The following TRERF1 variants were observed in gnomAD, a reference collection of about 807,000 sequenced individuals.
TRERF1 encodes the protein transcriptional regulating factor 1.
In TRERF1, 27 loss-of-function variants were observed where a neutral mutation model predicts 122.9. The ratio of observed to expected loss-of-function variants is 0.22; its 90% CI spans 0.16 to 0.30. TRERF1 has a LOEUF of 0.30. Ranked by LOEUF, TRERF1 falls within the 10% of genes least tolerant of loss-of-function variation. The probability of loss-of-function intolerance (pLI) is 1.00; values close to 1 mark genes in which losing one functional copy is unlikely to be tolerated. For synonymous variants in TRERF1, 636 were observed against 641.7 expected, an observed-to-expected ratio of 0.99 and a Z score of 0.13; for missense variants, 1,248 against 1,560.3, an observed-to-expected ratio of 0.80 and a Z score of 3.37.
At chr6:42,363,879 C>T (rs552684789) in intron 2 of TRERF1, among the ~76,000 whole-genome samples, 14 of 152,296 alleles carry the variant, frequency 9.2e-5, no homozygotes, top group Admixed American at 9.1e-4. Flanking sequence ...GGACTTGCAG[C>T]CTCCAGAGCT....
intron 2 of TRERF1, among the ~76,000 whole-genome samples, chr6:42,395,196 C>G (rs977933401): frequency 1.3e-5 from 2 of 152,208 alleles, no homozygotes; most frequent in African/African-American, 4.8e-5. Context: ...TTCCCCTCTA[C>G]AAAGTCAGGG....
downstream of TRERF1, chr6:42,225,000 A>G (rs543632044): frequency 6.6e-6 from 1 of 152,318 alleles, no homozygotes; most frequent in Admixed American, 6.5e-5. Context: ...TCACAAATAA[A>G]TATGACAGTG....
At chr6:42,345,106 A>G (rs1371319616) in intron 3 of TRERF1, among the ~76,000 whole-genome samples, 1 of 152,238 alleles carries the variant, frequency 6.6e-6, no homozygotes, top group Non-Finnish European at 1.5e-5. Context: ...TAATGATTTC[A>G]TCTCTGTAAA....
In TRERF1 at chr6:42,263,401, C is replaced by T. The variant is rs756646336; in HGVS notation, c.1803G>A (p.Gly601=). 19 of 1,612,240 alleles carry T rather than the reference C, an allele frequency of 1.2e-5. 1 individual carries two copies. The South Asian group carries it at 1.4e-4, about 12-fold the overall frequency. Residue 601 remains glycine, a synonymous_variant, in exon 8 of 18, where the codon GGG becomes GGA. Transcript: ENST00000372922. The surrounding 1 kb of genome is among the most constrained non-coding windows in gnomAD (Gnocchi z 5.6). ...GGGCGGCAACGGTGCTGTTGGTGAA[C>T]CCCTGAGAGCTGGGCTTGGGCGGGA...
At chr6:42,238,554 T>TA (rs1298028442) in intron 15 of TRERF1, among the ~76,000 whole-genome samples, 1 of 152,118 alleles carries the variant, frequency 6.6e-6, no homozygotes, top group Non-Finnish European at 1.5e-5. Flanking sequence ...ACAAAACACT[T>TA]ACTATATTCC....
intron 2 of TRERF1, among the ~76,000 whole-genome samples, chr6:42,405,141 G>A (rs187556585): frequency 6.3e-4 from 96 of 152,022 alleles, no homozygotes; most frequent in African/African-American, 2.3e-3. Flanking sequence ...AGACAGAAAA[G>A]TGAGGCATTA....
intron 3 of TRERF1, among the ~76,000 whole-genome samples, chr6:42,347,202 T>C (rs1436009564): frequency 6.6e-6 from 1 of 152,198 alleles, no homozygotes; most frequent in Non-Finnish European, 1.5e-5. Context: ...TCTCCATTCA[T>C]TCTCCATCTC....
intron 9 of TRERF1, among the ~76,000 whole-genome samples, chr6:42,258,426 A>G (rs1777154510): frequency 6.6e-6 from 1 of 152,308 alleles, no homozygotes; most frequent in Non-Finnish European, 1.5e-5. Flanking sequence ...CTGTCCCACA[A>G]TGGTCTGCTA....
chr6:42,342,855 G>C (rs1767552007), intron 3 of TRERF1, among the ~76,000 whole-genome samples: 1 of 152,176 alleles, frequency 6.6e-6, no homozygotes, highest in Non-Finnish European at 1.5e-5. Context: ...TTATTAAATT[G>C]CTCCCAAGTC....
Position 42,357,455 on chromosome 6 carries a change from C to T in TRERF1, c.-371+5542G>A, listed in dbSNP as rs115326750. Among the ~76,000 whole-genome samples the T allele has an allele frequency of 5.5e-3, 841 of 151,768 alleles. 5 individuals carry two copies. The highest frequency in any genetic ancestry group is 0.019 in the African/African-American group (778 of 41,352). The stretch of plus-strand genomic sequence containing the variant: ...AACGGTAACGCTTTGCCTAAGAATG[C>T]GGTTAACAGACAATAACTGTAGGTG... On this transcript the variant is annotated intron_variant, in intron 3 of 17. Transcript: ENST00000372922.
intron 2 of TRERF1, among the ~76,000 whole-genome samples, chr6:42,403,718 C>T (rs1205568510): frequency 6.6e-6 from 1 of 152,154 alleles, no homozygotes; most frequent in South Asian, 2.1e-4. Flanking sequence ...AGTTTGTACT[C>T]CACCCTGCAG....
intron 2 of TRERF1, among the ~76,000 whole-genome samples, chr6:42,406,912 T>C (rs546454632): frequency 1.5e-3 from 227 of 152,276 alleles, no homozygotes; most frequent in African/African-American, 4.6e-3. Context: ...CCTTGACAAA[T>C]AGTAACTGAA....
chr6:42,262,028 C>A (rs1222206760), intron 8 of TRERF1, among the ~76,000 whole-genome samples: 1 of 151,990 alleles, frequency 6.6e-6, no homozygotes, highest in Non-Finnish European at 1.5e-5. Flanking sequence ...TGACTATGAA[C>A]TCTTAATTGA....
At chr6:42,336,847 G>T (rs1375930436) in intron 3 of TRERF1, among the ~76,000 whole-genome samples, 1 of 152,210 alleles carries the variant, frequency 6.6e-6, no homozygotes, top group African/African-American at 2.4e-5. Flanking sequence ...CTTAGTGTTT[G>T]TTCAGCTCGT....
chr6:42,439,243 G>A (rs1363563800), intron 2 of TRERF1, among the ~76,000 whole-genome samples: 2 of 152,070 alleles, frequency 1.3e-5, no homozygotes, highest in African/African-American at 2.4e-5. Context: ...AAAACCTTCA[G>A]TGACTCCCCT....
In TRERF1 at chr6:42,336,201, C is replaced by T. The variant is rs561933015; in HGVS notation, c.-371+26796G>A. Among the ~76,000 whole-genome samples the T allele has an allele frequency of 1.4e-4, 22 of 152,116 alleles. No homozygotes were observed. The South Asian group carries it at 4.0e-3, about 27-fold the overall frequency. ...TAAACATTTATGAAATGAGTGAATG[C>T]GGAATGAATGGATGAATGAATGGAA... On this transcript the variant is annotated intron_variant, in intron 3 of 17. Transcript: ENST00000372922.
Position 42,310,727 on chromosome 6 carries a change from G to T in TRERF1, c.-370-9978C>A, listed in dbSNP as rs147892120. 7.5e-3 allele frequency among the ~76,000 whole-genome samples: 1,138 copies of T among 152,248 alleles called. 10 individuals are homozygous for T. Among genetic ancestry groups the T allele is most frequent in the African/African-American group, 0.025 (1,045 of 41,522 alleles). ...AGAACTGGTAGCAGGAGGCTAAGGA[G>T]GCCAAAGAGTACCCACCCCCAACCA... is the stretch of plus-strand genomic sequence containing the variant. On this transcript the variant is annotated intron_variant, in intron 3 of 17. Coordinates refer to ENST00000372922, the Ensembl canonical transcript of TRERF1.
intron 3 of TRERF1, among the ~76,000 whole-genome samples, chr6:42,358,203 A>G (rs1009334870): frequency 2.0e-5 from 3 of 152,220 alleles, no homozygotes; most frequent in Admixed American, 2.0e-4. Context: ...GAAAAGGAAA[A>G]ACTGTTGACA....
At chr6:42,433,189 C>A (rs985445625) in intron 2 of TRERF1, among the ~76,000 whole-genome samples, 8 of 151,968 alleles carry the variant, frequency 5.3e-5, no homozygotes, top group Non-Finnish European at 1.0e-4. Flanking sequence ...AACACAGAGG[C>A]AAAACAGAAA....
Sources: gnomAD v4.1 joint callset for allele counts (sites outside exome capture counted in the v4.1 genomes callset) on GRCh38, gnomAD v4.1.1 for gene constraint, Gnocchi (gnomAD v3.1) non-coding constraint, MANE v1.5 for transcripts, NCBI Gene and HGNC (gene_info 2026-07-23, HGNC 2026-07-21) for gene names.